NXN: variants seen among roughly 807,000 people sequenced by gnomAD.
The protein encoded by NXN is nucleoredoxin.
NXN carries 16 observed loss-of-function variants against 48.6 expected under a neutral mutation model. The ratio of observed to expected loss-of-function variants is 0.33; its 90% CI spans 0.22 to 0.50. NXN has a LOEUF of 0.50. NXN is among the 20% of genes least tolerant of loss of function. NXN has a pLI of 0.98. For synonymous variants in NXN, 281 were observed against 269.6 expected (o/e 1.04, Z -0.41); for missense variants, 492 against 605.5 (o/e 0.81, Z 1.97).
In NXN at chr17:858,177, C is replaced by A. The variant is rs181350861; in HGVS notation, c.361-32099G>T. The stretch of plus-strand genomic sequence containing the variant: ...GTAGAGACGACGTTTCACCATGTTG[C>A]GGCTAATTTTTGTATTTTTTCTATA... On this transcript the variant is annotated intron_variant, in intron 1 of 7. Transcript: ENST00000336868. 5.0e-4 allele frequency among the ~76,000 whole-genome samples: 76 copies of A among 151,754 alleles called. 2 individuals are homozygous for A. In the East Asian group the frequency reaches 0.014, roughly 29 times the overall value.
intron 1 of NXN, among the ~76,000 whole-genome samples, chr17:853,723 A>ATATATATATATATATATATTTT (rs1491528474): frequency 2.8e-5 from 3 of 106,000 alleles, no homozygotes; most frequent in Non-Finnish European, 5.3e-5. Context: ...ATATATATAT[A>ATATATATATATATATATATTTT]TTTTTTTTTT....
intron 1 of NXN, among the ~76,000 whole-genome samples, chr17:943,502 G>C (rs1424965077): frequency 2.0e-5 from 3 of 152,174 alleles, no homozygotes; most frequent in Admixed American, 2.0e-4. Flanking sequence ...GTAACATCTG[G>C]TCATTAAATC....
chr17:946,351 T>G (rs2069043873), intron 1 of NXN, among the ~76,000 whole-genome samples: 1 of 152,116 alleles, frequency 6.6e-6, no homozygotes, highest in South Asian at 2.1e-4. Context: ...GCATTTTTAG[T>G]AGAGATGGGG....
In NXN at chr17:917,478, C is replaced by T. The variant is rs887057407; in HGVS notation, c.360+61841G>A. ...TCATGAACCTAAACTCACAGAGCAG[C>T]CCCACACTGTCGTCTGTGGAAACCA... On this transcript the variant is annotated intron_variant, in intron 1 of 7. Coordinates refer to ENST00000336868, the MANE Select transcript of NXN (RefSeq NM_022463.5). This position sits in a 1 kb window ranked among gnomAD's most constrained non-coding sequence, Gnocchi z 4.5. Among the ~76,000 whole-genome samples, 9 of 152,192 alleles carry T rather than the reference C, an allele frequency of 5.9e-5. No homozygotes were observed. The highest frequency in any genetic ancestry group is 2.2e-4 in the African/African-American group (9 of 41,450).
At chr17:802,809 C>T (rs570281869) in intron 7 of NXN, among the ~76,000 whole-genome samples, 17 of 152,282 alleles carry the variant, frequency 1.1e-4, no homozygotes, top group East Asian at 9.7e-4. Context: ...GTCTGGCTGC[C>T]GCCTGCCTCC....
intron 1 of NXN, among the ~76,000 whole-genome samples, chr17:976,277 GT>G (rs988207315): frequency 1.3e-5 from 2 of 150,708 alleles, no homozygotes; most frequent in African/African-American, 2.4e-5. Context: ...TCATCCCCAG[GT>G]TTTTTTTAAC....
chr17:936,429 T>C (rs555194648), intron 1 of NXN, among the ~76,000 whole-genome samples: 1 of 152,002 alleles, frequency 6.6e-6, no homozygotes, highest in South Asian at 2.1e-4. Context: ...CCGGCCAGCA[T>C]CTGCCCAGGT....
rs556339425 is a variant in NXN at position 917,798 on chromosome 17, G to T, written c.360+61521C>A. On this transcript the variant is annotated intron_variant, in intron 1 of 7. Transcript: ENST00000336868. The surrounding 1 kb of genome is among the most constrained non-coding windows in gnomAD (Gnocchi z 4.5). ...TCGCTCCCCAGGAAGGCCTCGCAGA[G>T]GTGGGGACAAGGGCGGATGGGAAAG... Among the ~76,000 whole-genome samples the T allele has an allele frequency of 2.9e-3, 445 of 152,304 alleles. 1 individual carries two copies. The highest frequency in any genetic ancestry group is 0.01 in the African/African-American group (423 of 41,564).
chr17:841,382 G>A (rs62067123), intron 1 of NXN, among the ~76,000 whole-genome samples: 5,653 of 141,182 alleles, frequency 0.04, 345 homozygotes, highest in East Asian at 0.18. Flanking sequence ...CACACACGGT[G>A]CATCTCACGC....
chr17:947,702 C>T (rs572853663), intron 1 of NXN, among the ~76,000 whole-genome samples: 15 of 142,314 alleles, frequency 1.1e-4, no homozygotes, highest in African/African-American at 3.9e-4. Flanking sequence ...CACTGCACTC[C>T]GGCCTGGGCA....
intron 1 of NXN, among the ~76,000 whole-genome samples, chr17:900,259 T>G (rs2068525081): frequency 7.3e-6 from 1 of 136,826 alleles, no homozygotes. Flanking sequence ...AGACCGAAAC[T>G]CCGTCTCAAA....
At chr17:810,024 G>A (rs1416765255) in intron 5 of NXN, among the ~76,000 whole-genome samples, 80 of 143,948 alleles carry the variant, frequency 5.6e-4, no homozygotes, top group Non-Finnish European at 9.3e-4. Context: ...TGGCGTGCAC[G>A]TTAAGAGTCC....
In NXN at chr17:978,663, G is replaced by A. The variant is rs2069491049; in HGVS notation, c.360+656C>T. 6.6e-6 allele frequency: 1 copy of A among 152,226 alleles called. No homozygotes were observed. The highest frequency in any genetic ancestry group is 1.5e-5 in the Non-Finnish European group (1 of 68,078). The allele number at this position is 152,226 out of a possible 1,614,324, so 9.4% of individuals were successfully genotyped here. On this transcript the variant is annotated intron_variant, in intron 1 of 7. Transcript: ENST00000336868. The surrounding 1 kb of genome is among the most constrained non-coding windows in gnomAD (Gnocchi z 4.1). ...GGGGGAGGCGGGGGCGGGAGACGGAGCCGTGAGCGCCCTTCTCGGCCACAG... is the reference window on the plus strand; with the variant it reads ...GGGGGAGGCGGGGGCGGGAGACGGAACCGTGAGCGCCCTTCTCGGCCACAG...
intron 1 of NXN, among the ~76,000 whole-genome samples, chr17:900,729 G>A (rs1013156657): frequency 1.3e-5 from 2 of 151,946 alleles, no homozygotes; most frequent in African/African-American, 4.8e-5. Flanking sequence ...CGTCTACAGA[G>A]AAGACGGCCA....
intron 1 of NXN, among the ~76,000 whole-genome samples, chr17:975,012 A>C (rs1039868779): frequency 6.6e-6 from 1 of 151,958 alleles, no homozygotes; most frequent in Non-Finnish European, 1.5e-5. Context: ...TTTTGCAAAG[A>C]CAATGTTTCA....
At chr17:881,051 A>G (rs1483456970) in intron 1 of NXN, among the ~76,000 whole-genome samples, 4 of 152,156 alleles carry the variant, frequency 2.6e-5, no homozygotes, top group Non-Finnish European at 2.9e-5. Context: ...ACAAGCAGAT[A>G]TGAACAGACA....
At chr17:832,928 T>C (rs1181832414) in intron 1 of NXN, among the ~76,000 whole-genome samples, 3 of 152,236 alleles carry the variant, frequency 2.0e-5, no homozygotes, top group African/African-American at 7.2e-5. Flanking sequence ...AGTCTCGCTG[T>C]CCCCCAGGCT....
intron 1 of NXN, among the ~76,000 whole-genome samples, chr17:977,674 AT>A (rs2069477771): frequency 6.6e-6 from 1 of 152,256 alleles, no homozygotes; most frequent in Admixed American, 6.5e-5. Context: ...GGATAAGGAC[AT>A]TATTTTAAGT....
At position 825,906 on chromosome 17, in the gene NXN, T is replaced by A. The variant is rs1913074406; in HGVS notation, c.478+55A>T. 2 of 1,115,306 alleles carry A rather than the reference T, an allele frequency of 1.8e-6. No individual in the cohort carries two copies. The highest frequency in any genetic ancestry group is 2.7e-6 in the Non-Finnish European group (2 of 745,224). The allele number at this position is 1,115,306 out of a possible 1,614,324, so 69.1% of individuals were successfully genotyped here. A position where few individuals can be genotyped will look rare whatever the true frequency, so the allele number is the denominator to read the frequency against. On this transcript the variant is annotated intron_variant, in intron 2 of 7. Coordinates refer to ENST00000336868, the MANE Select transcript of NXN (RefSeq NM_022463.5). This position sits in a 1 kb window ranked among gnomAD's most constrained non-coding sequence, Gnocchi z 4.1. ...TGGGACGGAGATTAGCCTAAGGGCATGGAGGAGGGAGGGCTGGGTAATAAG... is the reference window on the plus strand; with the variant it reads ...TGGGACGGAGATTAGCCTAAGGGCAAGGAGGAGGGAGGGCTGGGTAATAAG...
Sources: allele counts gnomAD v4.1 joint callset (sites outside exome capture counted in the v4.1 genomes callset), GRCh38; gene constraint gnomAD v4.1.1; non-coding constraint Gnocchi (gnomAD v3.1); transcripts MANE v1.5; gene names NCBI Gene and HGNC (gene_info 2026-07-23, HGNC 2026-07-21).